The following C4orf50 variants were observed in gnomAD, a reference collection of about 807,000 sequenced individuals.
C4orf50 encodes uncharacterized protein C4orf50.
A neutral mutation model predicts 77.2 loss-of-function variants in C4orf50; 80 were observed. That is an observed-to-expected ratio of 1.04 (90% CI 0.87 to 1.25). C4orf50 has a LOEUF of 1.25. Ranked by LOEUF, C4orf50 falls within the 50% of genes most tolerant of loss-of-function variation. The pLI, the probability that C4orf50 is intolerant of heterozygous loss-of-function variation, is 0.00. For missense variants in C4orf50, 1,257 were observed against 1,152.9 expected (o/e 1.09, Z -1.31); for synonymous variants, 532 against 465.3 (o/e 1.14, Z -1.84).
chr4:5,995,177 G>A (rs1034611141), intron 25 of C4orf50, among the ~76,000 whole-genome samples: 1 of 152,046 alleles, frequency 6.6e-6, no homozygotes, highest in African/African-American at 2.4e-5. Flanking sequence ...TCCCTGGGTG[G>A]GGGCAGTGAG....
In C4orf50 at chr4:6,004,988, T is replaced by C. The variant is rs138437956; in HGVS notation, c.963+3008A>G. 1.8e-3 allele frequency among the ~76,000 whole-genome samples: 271 copies of C among 152,288 alleles called. 1 individual carries two copies. The highest frequency in any genetic ancestry group is 6.1e-3 in the African/African-American group (253 of 41,550). ...ACACCAGGATGCACTAGTATCATCA[T>C]CATCCCAGTATTAGTCCCATTTCAC... On this transcript the variant is annotated intron_variant, in intron 25 of 33. Coordinates refer to ENST00000531445, the Ensembl canonical transcript of C4orf50.
At chr4:5,925,184 G>A (rs1717459822) in intron 7 of C4orf50, among the ~76,000 whole-genome samples, 1 of 152,078 alleles carries the variant, frequency 6.6e-6, no homozygotes, top group African/African-American at 2.4e-5. Context: ...GAAGGGACCA[G>A]CTGATGGAGG....
In C4orf50 at chr4:5,933,467, G is replaced by C. The variant is rs564404917; in HGVS notation, c.*2474+23434C>G. Among the ~76,000 whole-genome samples, 44 of 152,308 alleles carry C rather than the reference G, an allele frequency of 2.9e-4. No individual in the cohort carries two copies. In the South Asian group the frequency reaches 3.5e-3, roughly 12 times the overall value. On this transcript the variant is annotated intron_variant, in intron 7 of 7. Coordinates refer to the C4orf50 transcript ENST00000324058. The stretch of plus-strand genomic sequence containing the variant: ...CATATTCCCCATCTGCTGTGGGGCT[G>C]ACCCCTGACTCTGGGCTTTCCCAGC...
chr4:5,929,000 C>T (rs17750804), intron 7 of C4orf50, among the ~76,000 whole-genome samples: 59,468 of 152,060 alleles, frequency 0.39, 12,030 homozygotes, highest in Non-Finnish European at 0.43. Context: ...TTGTCCCACT[C>T]ATCATTGCAT....
chr4:5,943,859 G>A lies in C4orf50; in HGVS notation c.*2474+13042C>T, dbSNP rs182571035. Reference sequence around the variant, plus strand: ...ACTTCATCTTATTTCCTTAAACGACGAATTCCTTTTGAGAGTGAAGATAAA... The same window carrying A: ...ACTTCATCTTATTTCCTTAAACGACAAATTCCTTTTGAGAGTGAAGATAAA... On this transcript the variant is annotated intron_variant, in intron 7 of 7. Coordinates refer to the C4orf50 transcript ENST00000324058. 6.7e-3 allele frequency among the ~76,000 whole-genome samples: 1,021 copies of A among 152,240 alleles called. 17 individuals are homozygous for A. The highest frequency in any genetic ancestry group is 0.024 in the African/African-American group (976 of 41,530).
At chr4:5,925,430 C>A (rs1717473644) in intron 7 of C4orf50, among the ~76,000 whole-genome samples, 1 of 152,192 alleles carries the variant, frequency 6.6e-6, no homozygotes, top group Non-Finnish European at 1.5e-5. Context: ...AGCATGAGAA[C>A]TAGAAAGATA....
At chr4:5,910,383 G>A (rs1380425991) in intron 7 of C4orf50, among the ~76,000 whole-genome samples, 1 of 152,168 alleles carries the variant, frequency 6.6e-6, no homozygotes, top group Non-Finnish European at 1.5e-5. Context: ...CTTTTGAAAA[G>A]CTTCAAAATT....
Position 6,000,445 on chromosome 4 carries a change from T to C in C4orf50, c.964-5969A>G, listed in dbSNP as rs997165700. ...GCCCTCTCAGGAGGAATTCTTCCTT[T>C]CCAGGCAGCCCTTTTTGACCTCAAG... On this transcript the variant is annotated intron_variant, in intron 25 of 33. Transcript: ENST00000531445. This position sits in a 1 kb window ranked among gnomAD's most constrained non-coding sequence, Gnocchi z 6.0. Among the ~76,000 whole-genome samples the C allele has an allele frequency of 6.6e-6, 1 of 152,178 alleles. No individual in the cohort carries two copies. The highest frequency in any genetic ancestry group is 2.4e-5 in the African/African-American group (1 of 41,444).
At position 6,015,251 on chromosome 4, in the gene C4orf50, A is replaced by C. The variant is rs1722639819; in HGVS notation, c.287+2894T>G. On this transcript the variant is annotated intron_variant, in intron 23 of 33. Coordinates refer to ENST00000531445, the Ensembl canonical transcript of C4orf50. The surrounding 1 kb of genome is among the most constrained non-coding windows in gnomAD (Gnocchi z 4.4). The stretch of plus-strand genomic sequence containing the variant: ...CCTTTCAAAGAGGCAATTAAGTTGA[A>C]AGAAAGTCATGAGCGTGGGCCCAGA... 6.6e-6 allele frequency among the ~76,000 whole-genome samples: 1 copy of C among 152,106 alleles called. No homozygotes were observed. Among genetic ancestry groups the C allele is most frequent in the Non-Finnish European group, 1.5e-5 (1 of 68,018 alleles).
At chr4:5,909,011 C>T (rs1256834309) in intron 7 of C4orf50, among the ~76,000 whole-genome samples, 1 of 152,166 alleles carries the variant, frequency 6.6e-6, no homozygotes, top group East Asian at 1.9e-4. Context: ...AGGCTCCCTG[C>T]CTCAGGCTGT....
intron 7 of C4orf50, among the ~76,000 whole-genome samples, chr4:5,927,205 T>G (rs10019824): frequency 4.1e-4 from 62 of 152,110 alleles, no homozygotes; most frequent in African/African-American, 1.4e-3. Context: ...AGAGACACTG[T>G]GGAATCAGGG....
chr4:5,922,184 G>T (rs1349768907), intron 7 of C4orf50, among the ~76,000 whole-genome samples: 1 of 152,214 alleles, frequency 6.6e-6, no homozygotes, highest in Non-Finnish European at 1.5e-5. Flanking sequence ...ACCACATGCA[G>T]GGAAAGCTAA....
At position 6,009,416 on chromosome 4, in the gene C4orf50, G is replaced by A. The variant is rs556808813; in HGVS notation, c.427-884C>T. 9.8e-4 allele frequency among the ~76,000 whole-genome samples: 149 copies of A among 152,238 alleles called. No homozygotes were observed. The highest frequency in any genetic ancestry group is 2.1e-3 in the Admixed American group (32 of 15,278). On this transcript the variant is annotated intron_variant, in intron 24 of 33. Transcript: ENST00000531445. This position sits in a 1 kb window ranked among gnomAD's most constrained non-coding sequence, Gnocchi z 5.6. ...AAAAACAAACAAACTAAGAGCAAAC[G>A]TGAAAGAGGAAACCTGGAAACAGCT...
exon 34 of C4orf50, chr4:5,957,940 A>C (rs902124774): frequency 5.3e-5 from 8 of 152,202 alleles, no homozygotes; most frequent in African/African-American, 1.7e-4. Flanking sequence ...ACTCTGTGTA[A>C]TTTTCATTTC....
At chr4:5,950,300 T>C (rs181740137) in intron 7 of C4orf50, among the ~76,000 whole-genome samples, 51 of 152,318 alleles carry the variant, frequency 3.3e-4, no homozygotes, top group African/African-American at 1.1e-3. Context: ...TTGTTTGAGG[T>C]GTGATGGAGC....
intron 33 of C4orf50, among the ~76,000 whole-genome samples, chr4:5,964,687 G>A (rs1023971025): frequency 1.4e-5 from 2 of 145,622 alleles, no homozygotes; most frequent in African/African-American, 5.1e-5. Flanking sequence ...AGAATCGCTT[G>A]AAACCAGGAG....
chr4:5,976,109 C>G (rs955876535), intron 29 of C4orf50, among the ~76,000 whole-genome samples, 154 bp from the exon 8 acceptor site: 10 of 152,164 alleles, frequency 6.6e-5, no homozygotes, highest in Non-Finnish European at 1.5e-4. Context: ...TTTCCCACCA[C>G]CTGCCTGGCA....
At chr4:5,914,274 G>A (rs1716941196) in intron 7 of C4orf50, among the ~76,000 whole-genome samples, 3 of 141,676 alleles carry the variant, frequency 2.1e-5, no homozygotes, top group Admixed American at 7.4e-5. Context: ...GCGCAATCTC[G>A]GCTCACTGCA....
chr4:5,947,875 A>G lies in C4orf50; in HGVS notation c.*2474+9026T>C, dbSNP rs573525636. Among the ~76,000 whole-genome samples, 4 of 152,312 alleles carry G rather than the reference A, an allele frequency of 2.6e-5. No individual in the cohort carries two copies. In the East Asian group the frequency reaches 7.7e-4, roughly 29 times the overall value. On this transcript the variant is annotated intron_variant, in intron 7 of 7. Transcript: ENST00000324058. ...TAAACTTAGAAAGTCTAAAAGTGGGAGCTGTCAGCCCAGCCCCCAGGGTCC... is the reference window on the plus strand; with the variant it reads ...TAAACTTAGAAAGTCTAAAAGTGGGGGCTGTCAGCCCAGCCCCCAGGGTCC...
Sources: gnomAD v4.1 joint callset for allele counts (sites outside exome capture counted in the v4.1 genomes callset) on GRCh38, gnomAD v4.1.1 for gene constraint, Gnocchi (gnomAD v3.1) non-coding constraint, MANE v1.5 for transcripts, NCBI Gene and HGNC (gene_info 2026-07-23, HGNC 2026-07-21) for gene names.